ADAM20: variants seen among roughly 807,000 people sequenced by gnomAD.
The protein encoded by ADAM20 is ADAM metallopeptidase domain 20, also known as disintegrin and metalloproteinase domain-containing protein 20.
For synonymous variants in ADAM20, 305 were observed against 310.2 expected, an observed-to-expected ratio of 0.98 and a Z score of 0.18; for missense variants, 871 against 883.2, an observed-to-expected ratio of 0.99 and a Z score of 0.18.
intron 1 of ADAM20, among the ~76,000 whole-genome samples, chr14:70,533,031 T>C (rs1883746835): frequency 6.6e-6 from 1 of 152,150 alleles, no homozygotes; most frequent in Non-Finnish European, 1.5e-5. Flanking sequence ...CCAAATTTCA[T>C]GTTAAAGTGT....
At chr14:70,528,684 A>G (rs958443352) in intron 1 of ADAM20, among the ~76,000 whole-genome samples, 4 of 152,178 alleles carry the variant, frequency 2.6e-5, no homozygotes, top group African/African-American at 9.6e-5. Context: ...GGGAAAATAC[A>G]CAAACCCAAA....
At chr14:70,528,105 G>T (rs10144653) in intron 1 of ADAM20, among the ~76,000 whole-genome samples, 48,986 of 152,004 alleles carry the variant, frequency 0.32, 9,551 homozygotes, top group East Asian at 0.56. Context: ...ACTATAATTT[G>T]GTAGAAAAAT....
At chr14:70,532,362 TA>T (rs1358530396) in intron 1 of ADAM20, among the ~76,000 whole-genome samples, 1 of 151,994 alleles carries the variant, frequency 6.6e-6, no homozygotes, top group Non-Finnish European at 1.5e-5. Context: ...CCTGAGACTA[TA>T]AAACTTTAAA....
the ADAM20 span, among the ~76,000 whole-genome samples, chr14:70,559,815 G>A: frequency 7.7e-6 from 1 of 129,668 alleles, no homozygotes; most frequent in African/African-American, 2.9e-5. Context: ...AAGGAAAGCA[G>A]GAGAGAGGTA....
the ADAM20 span, among the ~76,000 whole-genome samples, chr14:70,567,314 A>G: frequency 6.6e-6 from 1 of 152,156 alleles, no homozygotes; most frequent in South Asian, 2.1e-4. Flanking sequence ...AGCACAGGAG[A>G]CTGATGGGCC....
chr14:70,523,865 A>G lies in ADAM20; in HGVS notation c.893T>C (p.Leu298Pro). 6.2e-7 allele frequency: 1 copy of G among 1,613,986 alleles called. No homozygotes were observed. The highest frequency in any genetic ancestry group is 8.5e-7 in the Non-Finnish European group (1 of 1,179,936). Residue 298 changes from leucine to proline, a missense_variant, in exon 2 of 2, where the codon CTT becomes CCT. Leu to Pro is a moderately conservative substitution (Grantham distance 98). Coordinates refer to ENST00000256389, the MANE Select transcript of ADAM20 (RefSeq NM_003814.5). ...CATGCCTTGTGTGTCTTTTATGAAA[A>G]GATGTGCAACATCATGTTGTAGTCG... ...NNRLQHDVAH[L>P]FIKDTQGMKL...
rs778755464 is a variant in ADAM20 at position 70,523,291 on chromosome 14, C to T, written c.1467G>A (p.Val489=). The change falls in exon 2 of 2, where the codon GTG becomes GTA. Residue 489 remains valine (V), a synonymous_variant. Transcript: ENST00000256389. ...TACAGGAGATCCCGTCCTGCACATA[C>T]ACATCATCTGGGCATTGATGGGATG... The part of the protein sequence containing the change: ...NGTSHQCPDD[V]YVQDGISCNV... 8 of 1,613,894 alleles carry T rather than the reference C, an allele frequency of 5.0e-6. No homozygotes were observed. The highest frequency in any genetic ancestry group is 1.6e-4 in the Middle Eastern group (1 of 6,074).
intron 1 of ADAM20, among the ~76,000 whole-genome samples, chr14:70,530,825 T>G (rs917669024): frequency 6.6e-6 from 1 of 150,680 alleles, no homozygotes; most frequent in Admixed American, 6.6e-5. Context: ...ACTTATAGGA[T>G]GCAGCAAAGC....
At chr14:70,554,892 G>A in the ADAM20 span, among the ~76,000 whole-genome samples, 1 of 152,166 alleles carries the variant, frequency 6.6e-6, no homozygotes, top group Non-Finnish European at 1.5e-5. Flanking sequence ...GAAAATGAAA[G>A]TACACTTCAC....
Position 70,524,508 on chromosome 14 carries a change from C to G in ADAM20, c.250G>C (p.Ala84Pro), listed in dbSNP as rs1163497276. 6.2e-7 allele frequency: 1 copy of G among 1,614,008 alleles called. No homozygotes were observed. The highest frequency in any genetic ancestry group is 1.7e-4 in the Middle Eastern group (1 of 6,058). ...VHMRVNKLLF[A>P]AHLPVFTYTE... ...TAGGTGAACACAGGAAGGTGTGCAG[C>G]AAACAACAGCTTATTTACCCTCATG... is the stretch of plus-strand genomic sequence containing the variant. Residue 84 changes from alanine to proline, a missense_variant, in exon 2 of 2, where the codon GCT becomes CCT. Transcript: ENST00000256389.
At chr14:70,542,240 T>C in the ADAM20 span, among the ~76,000 whole-genome samples, 2 of 152,220 alleles carry the variant, frequency 1.3e-5, no homozygotes, top group African/African-American at 2.4e-5. Flanking sequence ...TATCTGTGAG[T>C]ATTCTTAAGT....
At chr14:70,556,665 CAT>C in the ADAM20 span, 7 of 152,326 alleles carry the variant, frequency 4.6e-5, no homozygotes, top group South Asian at 2.1e-4. Flanking sequence ...CAGGCCCACT[CAT>C]GTGCGATTTT....
the ADAM20 span, among the ~76,000 whole-genome samples, chr14:70,560,994 T>C: frequency 1.3e-5 from 2 of 152,164 alleles, no homozygotes; most frequent in East Asian, 3.9e-4. Context: ...CTAGGTAACA[T>C]TCAGAGGTTG....
the ADAM20 span, among the ~76,000 whole-genome samples, chr14:70,563,733 C>T: frequency 2.0e-5 from 3 of 152,126 alleles, no homozygotes; most frequent in African/African-American, 4.8e-5. Context: ...ATTTCTTGCT[C>T]CTGCTTTTGC....
the ADAM20 span, among the ~76,000 whole-genome samples, chr14:70,566,469 T>TA: frequency 6.7e-6 from 1 of 149,374 alleles, no homozygotes; most frequent in Admixed American, 6.6e-5. Flanking sequence ...AGCACAACAC[T>TA]ACAAAAATCA....
the ADAM20 span, among the ~76,000 whole-genome samples, chr14:70,541,176 G>A: frequency 3.9e-5 from 6 of 152,238 alleles, no homozygotes; most frequent in Admixed American, 1.3e-4. Context: ...TCAGAAATTC[G>A]AGGCATGTGA....
At chr14:70,544,976 G>C in the ADAM20 span, among the ~76,000 whole-genome samples, 1,317 of 152,234 alleles carry the variant, frequency 8.7e-3, 9 homozygotes, top group South Asian at 0.031. Flanking sequence ...AACAAAAATT[G>C]TAAGTATTAG....
chr14:70,553,339 G>A, the ADAM20 span, among the ~76,000 whole-genome samples: 11 of 66,928 alleles, frequency 1.6e-4, no homozygotes, highest in Admixed American at 4.6e-4. Flanking sequence ...AAAACTAGTA[G>A]CAGAATTGAA....
the ADAM20 span, among the ~76,000 whole-genome samples, chr14:70,569,995 C>T: frequency 6.6e-6 from 1 of 150,976 alleles, no homozygotes; most frequent in South Asian, 2.1e-4. Context: ...ACCGCAAATA[C>T]CCACTTCTTT....
Sources: gnomAD v4.1 joint callset for allele counts (sites outside exome capture counted in the v4.1 genomes callset) on GRCh38, gnomAD v4.1.1 for gene constraint, MANE v1.5 for transcripts, NCBI Gene and HGNC (gene_info 2026-07-23, HGNC 2026-07-21) for gene names.